The following GAB1 variants were observed in gnomAD, a reference collection of about 807,000 sequenced individuals.
GAB1 encodes GRB2-associated-binding protein 1.
In GAB1, 19 loss-of-function variants were observed where a neutral mutation model predicts 66.5. The observed-to-expected ratio is 0.29, with a 90% confidence interval of 0.20 to 0.42. GAB1 has a LOEUF of 0.42. Among genes scored for constraint, GAB1 ranks in the 10% least tolerant of loss-of-function variants. The pLI is 1.00. For missense variants in GAB1, 732 were observed against 858.5 expected, an observed-to-expected ratio of 0.85 and a Z score of 1.84; for synonymous variants, 294 against 301.4, an observed-to-expected ratio of 0.98 and a Z score of 0.25.
intron 6 of GAB1, among the ~76,000 whole-genome samples, chr4:143,445,535 G>A (rs1411791672): frequency 1.3e-5 from 2 of 151,984 alleles, no homozygotes; most frequent in African/African-American, 4.8e-5. Flanking sequence ...CCATTCTGTA[G>A]GTTGACTGTT....
chr4:143,352,253 A>G (rs1306538406), intron 1 of GAB1, among the ~76,000 whole-genome samples: 1 of 152,210 alleles, frequency 6.6e-6, no homozygotes, highest in Non-Finnish European at 1.5e-5. Flanking sequence ...TTTACTTTTT[A>G]TAAATTACAT....
At chr4:143,386,812 A>C (rs1730939402) in intron 1 of GAB1, among the ~76,000 whole-genome samples, 1 of 152,216 alleles carries the variant, frequency 6.6e-6, no homozygotes, top group Admixed American at 6.5e-5. Context: ...CAGTGCCCAG[A>C]AAGTGTCAGA....
chr4:143,438,241 A>T lies in GAB1; in HGVS notation c.836A>T (p.Glu279Val). The T allele has an allele frequency of 6.2e-7, 1 of 1,614,108 alleles. No individual in the cohort carries two copies. The highest frequency in any genetic ancestry group is 8.5e-7 in the Non-Finnish European group (1 of 1,180,002). ...VLPKVSPSST[E>V]ADGELYVFNT... ...CCAAAGGTGTCTCCATCAAGTACTG[A>T]AGCAGATGGAGAACTCTATGTTTTT... Residue 279 changes from glutamate to valine, a missense_variant, in exon 4 of 10, where the codon GAA becomes GTA. Glu to Val is a moderately radical substitution (Grantham distance 121). Coordinates refer to ENST00000262994, the MANE Select transcript of GAB1 (RefSeq NM_002039.4).
chr4:143,450,758 G>A (rs1734883246), intron 6 of GAB1, among the ~76,000 whole-genome samples: 1 of 152,104 alleles, frequency 6.6e-6, no homozygotes, highest in South Asian at 2.1e-4. Context: ...AGGCGTGGTG[G>A]CGCATGCCTG....
At chr4:143,385,984 T>TAA (rs201589867) in intron 1 of GAB1, among the ~76,000 whole-genome samples, 5 of 151,714 alleles carry the variant, frequency 3.3e-5, no homozygotes, top group Non-Finnish European at 7.4e-5. Context: ...TACAAAAATT[T>TAA]AAAAAAAACT....
At chr4:143,430,163 C>G (rs1417005510) in intron 2 of GAB1, among the ~76,000 whole-genome samples, 2 of 152,144 alleles carry the variant, frequency 1.3e-5, no homozygotes, top group African/African-American at 2.4e-5. Flanking sequence ...AAGCACCTGT[C>G]AAAGTTCTGT....
At chr4:143,451,148 A>C (rs1734908407) in intron 6 of GAB1, among the ~76,000 whole-genome samples, 2 of 152,160 alleles carry the variant, frequency 1.3e-5, no homozygotes, top group South Asian at 2.1e-4. Flanking sequence ...CTGTGGTTGA[A>C]GTAAACTCTT....
At chr4:143,464,252 CAG>C (rs1313448891) in intron 8 of GAB1, among the ~76,000 whole-genome samples, 2 of 152,122 alleles carry the variant, frequency 1.3e-5, no homozygotes, top group African/African-American at 2.4e-5. Flanking sequence ...TTTTTTCAGA[CAG>C]AGTTTCCCTC....
intron 3 of GAB1, among the ~76,000 whole-genome samples, chr4:143,434,467 G>A (rs963417365): frequency 2.0e-5 from 3 of 149,406 alleles, no homozygotes; most frequent in Non-Finnish European, 3.0e-5. Context: ...TATTCCTTCT[G>A]CCTCAGCCCC....
intron 1 of GAB1, among the ~76,000 whole-genome samples, chr4:143,396,151 C>T (rs981660906): frequency 5.9e-5 from 9 of 152,094 alleles, no homozygotes; most frequent in Admixed American, 6.6e-5. Flanking sequence ...CATTCTCCGC[C>T]GAATGGCATG....
At chr4:143,378,825 C>G (rs1730532653) in intron 1 of GAB1, among the ~76,000 whole-genome samples, 1 of 152,216 alleles carries the variant, frequency 6.6e-6, no homozygotes. Context: ...AAGCTTCACA[C>G]TGCCAGACTC....
At chr4:143,421,520 C>T (rs1733012153) in intron 2 of GAB1, among the ~76,000 whole-genome samples, 1 of 152,004 alleles carries the variant, frequency 6.6e-6, no homozygotes, top group African/African-American at 2.4e-5. Context: ...CTACCAGCAG[C>T]GTGTGAGAGT....
chr4:143,366,918 G>C (rs962025489), intron 1 of GAB1, among the ~76,000 whole-genome samples: 1 of 151,826 alleles, frequency 6.6e-6, no homozygotes, highest in Non-Finnish European at 1.5e-5. Context: ...CATGTCTTTC[G>C]TGGTTGGGTG....
At chr4:143,433,100 A>G (rs906141819) in intron 2 of GAB1, among the ~76,000 whole-genome samples, 3 of 152,216 alleles carry the variant, frequency 2.0e-5, no homozygotes, top group African/African-American at 4.8e-5. Context: ...GGTAAATACT[A>G]TGTAATTAAA....
At chr4:143,459,815 A>C (rs575123834) in intron 7 of GAB1, among the ~76,000 whole-genome samples, 8 of 152,154 alleles carry the variant, frequency 5.3e-5, no homozygotes, top group African/African-American at 1.9e-4. Context: ...TAATAGATAC[A>C]ACTCATGTAA....
intron 6 of GAB1, among the ~76,000 whole-genome samples, chr4:143,456,186 G>A (rs1050271147): frequency 4.6e-5 from 7 of 152,122 alleles, no homozygotes; most frequent in East Asian, 1.9e-4. Context: ...AGCCGGGCGC[G>A]GTGGCTTACG....
intron 2 of GAB1, chr4:143,424,954 TAAA>T: frequency 7.1e-6 from 4 of 564,656 alleles, no homozygotes; most frequent in Non-Finnish European, 1.2e-5. Flanking sequence ...ACTCCGACTT[TAAA>T]AAAAGAAAAA....
At chr4:143,339,537 C>G (rs529690038) in intron 1 of GAB1, among the ~76,000 whole-genome samples, 1 of 152,056 alleles carries the variant, frequency 6.6e-6, no homozygotes, top group Non-Finnish European at 1.5e-5. Context: ...AAATAAAGGT[C>G]CTTTCAGATT....
intron 1 of GAB1, among the ~76,000 whole-genome samples, chr4:143,357,416 T>G (rs151016477): frequency 5.5e-4 from 84 of 152,288 alleles, no homozygotes; most frequent in African/African-American, 1.9e-3. Context: ...CCAGGGGTTA[T>G]CAGATATTTT....
Sources: allele counts gnomAD v4.1 joint callset (sites outside exome capture counted in the v4.1 genomes callset), GRCh38; gene constraint gnomAD v4.1.1; transcripts MANE v1.5; gene names NCBI Gene and HGNC (gene_info 2026-07-23, HGNC 2026-07-21).